Variants in UQCRB observed in about 807,000 individuals in gnomAD.
UQCRB encodes the protein cytochrome b-c1 complex subunit 7.
UQCRB carries 12 observed loss-of-function variants against 19.8 expected under a neutral mutation model. That is an observed-to-expected ratio of 0.61 (90% CI 0.39 to 0.98). The LOEUF is 0.98. Among genes scored for constraint, UQCRB ranks in the 50% least tolerant of loss-of-function variants. The pLI, the probability that UQCRB is intolerant of heterozygous loss-of-function variation, is 0.00. For synonymous variants in UQCRB, 39 were observed against 42.9 expected (o/e 0.91, Z 0.35); for missense variants, 142 against 131.8 (o/e 1.08, Z -0.38).
At position 96,230,152 on chromosome 8, in the gene UQCRB, T is replaced by C. The variant is rs1314472429; in HGVS notation, c.*903A>G. On this transcript the variant is annotated 3_prime_UTR_variant, in exon 4 of 4. Transcript: ENST00000287022. ...GTGCAGTGGTGTGATCTAGGCTCAC[T>C]GCAACCTCCACCTCCTGGGGTCAAG... 3 of 453,870 alleles carry C rather than the reference T, an allele frequency of 6.6e-6. No individual in the cohort carries two copies. Among genetic ancestry groups the C allele is most frequent in the South Asian group, 3.1e-5 (2 of 64,474 alleles). 28.1% of individuals were successfully genotyped at this position (453,870 alleles called of 1,614,324 possible).
chr8:96,228,437 TCACTCAAGGAGGTGA>T lies in UQCRB; in HGVS notation c.*2603_*2617del, dbSNP rs1243585489. Reference sequence around the variant, plus strand: ...ACTCTTCTCATCTCCAGCAGGTACTTCACTCAAGGAGGTGACACCCAAGGGGAGTAGATGAACCAG... The same window carrying T: ...ACTCTTCTCATCTCCAGCAGGTACTTCACCCAAGGGGAGTAGATGAACCAG... On this transcript the variant is annotated 3_prime_UTR_variant, in exon 4 of 4. Transcript: ENST00000287022. 2.2e-6 allele frequency: 1 copy of T among 453,964 alleles called. No individual in the cohort carries two copies. Among genetic ancestry groups the T allele is most frequent in the Non-Finnish European group, 4.4e-6 (1 of 226,804 alleles). The allele number at this position is 453,964 out of a possible 1,614,324, so 28.1% of individuals were successfully genotyped here. A position where few individuals can be genotyped will look rare whatever the true frequency, so the allele number is the denominator to read the frequency against.
In UQCRB at chr8:96,228,596, A is replaced by G. The variant is rs1467426722; in HGVS notation, c.*2459T>C. On this transcript the variant is annotated 3_prime_UTR_variant, in exon 4 of 4. Coordinates refer to ENST00000287022, the MANE Select transcript of UQCRB (RefSeq NM_006294.5). ...GTTATTCTTTCTCGCTTCTCAGCAC[A>G]TAATTTACATTATGCATACTATATG... is the stretch of plus-strand genomic sequence containing the variant. The G allele has an allele frequency of 6.6e-6, 3 of 454,188 alleles. No homozygotes were observed. Among genetic ancestry groups the G allele is most frequent in the South Asian group, 3.1e-5 (2 of 64,484 alleles). 28.1% of individuals were successfully genotyped at this position (454,188 alleles called of 1,614,324 possible). A position where few individuals can be genotyped will look rare whatever the true frequency, so the allele number is the denominator to read the frequency against.
Position 96,233,384 on chromosome 8 carries a change from C to G in UQCRB, c.20-157G>C, listed in dbSNP as rs1809722226. 9.7e-6 allele frequency: 6 copies of G among 618,534 alleles called. No homozygotes were observed. The South Asian group carries it at 1.3e-4, about 13-fold the overall frequency. 38.3% of individuals were successfully genotyped at this position (618,534 alleles called of 1,614,324 possible). A position where few individuals can be genotyped will look rare whatever the true frequency, so the allele number is the denominator to read the frequency against. On this transcript the variant is annotated intron_variant, in intron 1 of 3. Transcript: ENST00000287022. ...ATAGTATATACAGCAAGAATTTAATCAAAAGAATTAGATTTAAAAGAAAAA... is the reference window on the plus strand; with the variant it reads ...ATAGTATATACAGCAAGAATTTAATGAAAAGAATTAGATTTAAAAGAAAAA...
chr8:96,226,824 A>C lies in UQCRB; in HGVS notation c.*4231T>G. The C allele has an allele frequency of 2.3e-6, 1 of 443,514 alleles. No individual in the cohort carries two copies. Among genetic ancestry groups the C allele is most frequent in the South Asian group, 1.6e-5 (1 of 61,186 alleles). 27.5% of individuals were successfully genotyped at this position (443,514 alleles called of 1,614,324 possible). On this transcript the variant is annotated 3_prime_UTR_variant, in exon 4 of 4. Transcript: ENST00000287022. ...TAATCAGAATCCAGAATGACAATTT[A>C]AATAGTTTATCATAAGCCTCTGGAA...
chr8:96,229,225 G>A lies in UQCRB; in HGVS notation c.*1830C>T, dbSNP rs778081094. 2.2e-5 allele frequency: 10 copies of A among 454,004 alleles called. No homozygotes were observed. The highest frequency in any genetic ancestry group is 1.6e-4 in the South Asian group (10 of 64,476). The allele number at this position is 454,004 out of a possible 1,614,324, so 28.1% of individuals were successfully genotyped here. On this transcript the variant is annotated 3_prime_UTR_variant, in exon 4 of 4. Coordinates refer to ENST00000287022, the MANE Select transcript of UQCRB (RefSeq NM_006294.5). The stretch of plus-strand genomic sequence containing the variant: ...CTTACAAAATCAGAGGTTGCCTTAT[G>A]TAATACCACACTTTACCTTGAGCAG...
chr8:96,229,628 A>T lies in UQCRB; in HGVS notation c.*1427T>A. The T allele has an allele frequency of 2.2e-6, 1 of 454,156 alleles. No individual in the cohort carries two copies. 28.1% of individuals were successfully genotyped at this position (454,156 alleles called of 1,614,324 possible). A position where few individuals can be genotyped will look rare whatever the true frequency, so the allele number is the denominator to read the frequency against. On this transcript the variant is annotated 3_prime_UTR_variant, in exon 4 of 4. Transcript: ENST00000287022. ...GCCCATCTTCTTGGCCTCCTTCTGC[A>T]AAGTAGGACTACATTAAAACCTTGT...
Position 96,229,083 on chromosome 8 carries a change from A to G in UQCRB, c.*1972T>C, listed in dbSNP as rs1230059880. On this transcript the variant is annotated 3_prime_UTR_variant, in exon 4 of 4. Transcript: ENST00000287022. The stretch of plus-strand genomic sequence containing the variant: ...AGCAGGACGATAACCATAATTTATA[A>G]TGAACACAAAACATTGATCTAGTGT... 2 of 453,960 alleles carry G rather than the reference A, an allele frequency of 4.4e-6. No homozygotes were observed. Among genetic ancestry groups the G allele is most frequent in the African/African-American group, 4.0e-5 (2 of 50,022 alleles). The allele number at this position is 453,960 out of a possible 1,614,324, so 28.1% of individuals were successfully genotyped here.
chr8:96,223,736 T>C lies in UQCRB; in HGVS notation c.*7319A>G, dbSNP rs1317439606. Among the ~76,000 whole-genome samples the C allele has an allele frequency of 2.0e-5, 3 of 152,142 alleles. No individual in the cohort carries two copies. The highest frequency in any genetic ancestry group is 4.4e-5 in the Non-Finnish European group (3 of 68,018). On this transcript the variant is annotated 3_prime_UTR_variant, in exon 4 of 4. Coordinates refer to ENST00000287022, the MANE Select transcript of UQCRB (RefSeq NM_006294.5). The stretch of plus-strand genomic sequence containing the variant: ...AGAGGTAGAATTTTGCAGAATGTGT[T>C]TGGGGAAGAGGGAGTTAAAACAGGA...
At position 96,224,988 on chromosome 8, in the gene UQCRB, G is replaced by A. The variant is rs1809502780; in HGVS notation, c.*6067C>T. ...AAAAAACCTCAAATAAAATTCAAACGATGAAATAAAAATATCATTTCAGCA... is the reference window on the plus strand; with the variant it reads ...AAAAAACCTCAAATAAAATTCAAACAATGAAATAAAAATATCATTTCAGCA... On this transcript the variant is annotated 3_prime_UTR_variant, in exon 4 of 4. Transcript: ENST00000287022. 1.3e-5 allele frequency among the ~76,000 whole-genome samples: 2 copies of A among 151,982 alleles called. No homozygotes were observed. The highest frequency in any genetic ancestry group is 2.9e-5 in the Non-Finnish European group (2 of 67,984).
Position 96,224,624 on chromosome 8 carries a change from C to T in UQCRB, c.*6431G>A, listed in dbSNP as rs547743241. Reference sequence around the variant, plus strand: ...CCCGTGTTTGTGGAGCCCCTCCGGACCTCTCTCTTTTACCCTTCCTCACAT... The same window carrying T: ...CCCGTGTTTGTGGAGCCCCTCCGGATCTCTCTCTTTTACCCTTCCTCACAT... On this transcript the variant is annotated 3_prime_UTR_variant, in exon 4 of 4. Coordinates refer to ENST00000287022, the MANE Select transcript of UQCRB (RefSeq NM_006294.5). Among the ~76,000 whole-genome samples, 1 of 152,294 alleles carries T rather than the reference C, an allele frequency of 6.6e-6. No individual in the cohort carries two copies. The highest frequency in any genetic ancestry group is 2.4e-5 in the African/African-American group (1 of 41,564).
intron 1 of UQCRB, 134 bp downstream of exon 1, chr8:96,235,378 T>A: frequency 7.7e-7 from 1 of 1,306,026 alleles, no homozygotes; most frequent in Non-Finnish European, 1.1e-6. Context: ...TCCTTTTCAC[T>A]GGACTGAAGC....
At chr8:96,231,546 T>C (rs1809675627) in intron 3 of UQCRB, 1 of 1,447,512 alleles carries the variant, frequency 6.9e-7, no homozygotes, top group East Asian at 2.5e-5. Flanking sequence ...ATTTTAGTCC[T>C]GGCTCTCTAT....
intron 1 of UQCRB, chr8:96,234,079 CTT>C (rs955702543): frequency 6.5e-6 from 1 of 154,480 alleles, no homozygotes; most frequent in African/African-American, 2.4e-5. Context: ...TTTGTATTCT[CTT>C]TTAAAATTTT....
intron 2 of UQCRB, chr8:96,232,200 G>T: frequency 2.3e-6 from 1 of 425,732 alleles, no homozygotes; most frequent in South Asian, 3.1e-5. Flanking sequence ...AACAATATAT[G>T]AGCCTCTTAA....
chr8:96,232,147 T>C, intron 2 of UQCRB: 1 of 580,364 alleles, frequency 1.7e-6, no homozygotes, highest in Non-Finnish European at 3.0e-6. Context: ...AGTAATGAGT[T>C]ATTACTTGAT....
rs1349372182 is a variant in UQCRB at position 96,224,014 on chromosome 8, G to A, written c.*7041C>T. 1.5e-4 allele frequency among the ~76,000 whole-genome samples: 23 copies of A among 152,168 alleles called. No homozygotes were observed. The highest frequency in any genetic ancestry group is 1.5e-3 in the Admixed American group (23 of 15,282). ...GGGGCATGAGTTAGCTTACCTCAAAGAAGCAAGCTTTGGTTTTCCAGGAAC... is the reference window on the plus strand; with the variant it reads ...GGGGCATGAGTTAGCTTACCTCAAAAAAGCAAGCTTTGGTTTTCCAGGAAC... On this transcript the variant is annotated 3_prime_UTR_variant, in exon 4 of 4. Coordinates refer to ENST00000287022, the MANE Select transcript of UQCRB (RefSeq NM_006294.5).
chr8:96,230,587 T>G lies in UQCRB; in HGVS notation c.*468A>C, dbSNP rs1170717892. On this transcript the variant is annotated 3_prime_UTR_variant, in exon 4 of 4. Transcript: ENST00000287022. ...TTAGCACAGGAGTATGTATATTACT[T>G]AAGTATGCCTATGTTGGGGTGCAGA... 2.2e-6 allele frequency: 1 copy of G among 454,634 alleles called. No individual in the cohort carries two copies. Among genetic ancestry groups the G allele is most frequent in the Non-Finnish European group, 4.4e-6 (1 of 227,288 alleles). The allele number at this position is 454,634 out of a possible 1,614,324, so 28.2% of individuals were successfully genotyped here. A position where few individuals can be genotyped will look rare whatever the true frequency, so the allele number is the denominator to read the frequency against.
intron 1 of UQCRB, 26 bp downstream of exon 1, chr8:96,235,486 G>A (rs747719680): frequency 1.9e-6 from 3 of 1,614,176 alleles, no homozygotes; most frequent in Admixed American, 1.7e-5. Flanking sequence ...CGACGATGCC[G>A]GCCAAGAAGA....
In UQCRB at chr8:96,231,097, A is replaced by G. The variant is rs780842140; in HGVS notation, c.294T>C (p.Val98=). 3 of 1,614,058 alleles carry G rather than the reference A, an allele frequency of 1.9e-6. No homozygotes were observed. The highest frequency in any genetic ancestry group is 1.1e-5 in the South Asian group (1 of 91,082). ...CTTCTCTTTCTTTTCTTTCCCGAATAACCTCTTTCAGATACGGTTCAAGGT... is the reference window on the plus strand; with the variant it reads ...CTTCTCTTTCTTTTCTTTCCCGAATGACCTCTTTCAGATACGGTTCAAGGT... The part of the protein sequence containing the change: ...NFYLEPYLKE[V]IRERKEREEW... The change falls in exon 4 of 4, where the codon GTT becomes GTC. Residue 98 remains valine, a synonymous_variant. Transcript: ENST00000287022.
Sources: allele counts gnomAD v4.1 joint callset (sites outside exome capture counted in the v4.1 genomes callset), GRCh38; gene constraint gnomAD v4.1.1; transcripts MANE v1.5; gene names NCBI Gene and HGNC (gene_info 2026-07-23, HGNC 2026-07-21).